The following SBF2 variants were observed in gnomAD, a reference collection of about 807,000 sequenced individuals.
The protein encoded by SBF2 is myotubularin-related protein 13.
In SBF2, 112 loss-of-function variants were observed where a neutral mutation model predicts 225.2. The observed-to-expected ratio is 0.50, with a 90% CI of 0.43 to 0.58. SBF2 has a LOEUF of 0.58. Ranked by LOEUF, SBF2 falls within the 20% of genes least tolerant of loss-of-function variation. The pLI is 0.00. For synonymous variants in SBF2, 763 were observed against 773.3 expected (o/e 0.99, Z 0.22); for missense variants, 1,996 against 2,206.2 (o/e 0.90, Z 1.91).
chr11:9,961,837 C>T (rs185439177), intron 16 of SBF2, 120 bp downstream of exon 16: 35 of 790,036 alleles, frequency 4.4e-5, no homozygotes, highest in Non-Finnish European at 6.3e-5. Flanking sequence ...GAGATACTGA[C>T]GCTTCATCCT....
chr11:9,981,253 A>T (rs1342303925), intron 13 of SBF2, among the ~76,000 whole-genome samples: 1 of 152,180 alleles, frequency 6.6e-6, no homozygotes, highest in Non-Finnish European at 1.5e-5. Flanking sequence ...GAAGCTAAAT[A>T]AGTGGTACTC....
chr11:10,218,325 C>A (rs888311591), intron 1 of SBF2, among the ~76,000 whole-genome samples: 2 of 110,508 alleles, frequency 1.8e-5, no homozygotes, highest in Non-Finnish European at 3.8e-5. Flanking sequence ...GACCCACCCC[C>A]CCCCCCACCC....
At chr11:10,007,683 A>G (rs1948256064) in intron 6 of SBF2, among the ~76,000 whole-genome samples, 1 of 152,072 alleles carries the variant, frequency 6.6e-6, no homozygotes, top group South Asian at 2.1e-4. Context: ...GCCCCAGAGG[A>G]GCAAAAGATG....
At chr11:10,054,141 A>G (rs1950165382) in intron 2 of SBF2, among the ~76,000 whole-genome samples, 2 of 152,176 alleles carry the variant, frequency 1.3e-5, no homozygotes, top group Admixed American at 1.3e-4. Flanking sequence ...GAAATGGGTC[A>G]CCTATATTGC....
intron 2 of SBF2, among the ~76,000 whole-genome samples, chr11:10,145,599 C>T (rs951550467): frequency 6.6e-5 from 10 of 152,112 alleles, no homozygotes; most frequent in African/African-American, 2.4e-4. Flanking sequence ...AACTTAAATT[C>T]TCCCAAAATA....
At chr11:10,276,296 G>T (rs1446614410) in intron 1 of SBF2, among the ~76,000 whole-genome samples, 1 of 152,080 alleles carries the variant, frequency 6.6e-6, no homozygotes, top group Non-Finnish European at 1.5e-5. Context: ...TTATTTATTT[G>T]TATCAATTTT....
chr11:9,830,491 G>A (rs1855321976), intron 27 of SBF2, among the ~76,000 whole-genome samples: 1 of 152,146 alleles, frequency 6.6e-6, no homozygotes, highest in South Asian at 2.1e-4. Context: ...TGTAATCCCA[G>A]CACTTAGGAA....
Position 10,294,114 on chromosome 11 carries a change from TCGC to T in SBF2, c.-48_-46del, listed in dbSNP as rs1565446062. ...GGGAAGCGGGTCCCCGTCGCCGCCC[TCGC>T]CGCCGCCGCCCACCCGGCCCGGGAG... On this transcript the variant is annotated 5_prime_UTR_variant, in exon 1 of 40. Transcript: ENST00000256190. 4.6e-5 allele frequency: 60 copies of T among 1,300,102 alleles called. No individual in the cohort carries two copies. Among genetic ancestry groups the T allele is most frequent in the Middle Eastern group, 5.8e-4 (2 of 3,450 alleles). The allele number at this position is 1,300,102 out of a possible 1,614,324, so 80.5% of individuals were successfully genotyped here.
chr11:10,290,946 G>T (rs1964122190), intron 1 of SBF2, among the ~76,000 whole-genome samples: 1 of 152,062 alleles, frequency 6.6e-6, no homozygotes, highest in South Asian at 2.1e-4. Flanking sequence ...AGGAACCAGG[G>T]ATCCCTAAAT....
intron 2 of SBF2, among the ~76,000 whole-genome samples, chr11:10,157,448 T>G (rs959594049): frequency 6.6e-6 from 1 of 152,292 alleles, no homozygotes; most frequent in Non-Finnish European, 1.5e-5. Context: ...AGCTTCTGCA[T>G]AGCAAAGGTA....
At chr11:10,122,067 T>A (rs1347748811) in intron 2 of SBF2, among the ~76,000 whole-genome samples, 4 of 152,172 alleles carry the variant, frequency 2.6e-5, no homozygotes. Context: ...AGCCATAAAG[T>A]GCTTCCTTTA....
chr11:9,879,035 A>C (rs1859523102), intron 17 of SBF2, among the ~76,000 whole-genome samples: 1 of 152,244 alleles, frequency 6.6e-6, no homozygotes. Flanking sequence ...TAGGTACAAA[A>C]TGTTTGCACT....
At chr11:10,008,334 T>C (rs1948291133) in intron 6 of SBF2, among the ~76,000 whole-genome samples, 1 of 152,190 alleles carries the variant, frequency 6.6e-6, no homozygotes, top group Non-Finnish European at 1.5e-5. Context: ...GAAGGGCAAC[T>C]GGTCCTACAG....
chr11:10,238,341 T>A (rs1330173144), intron 1 of SBF2, among the ~76,000 whole-genome samples: 1 of 152,016 alleles, frequency 6.6e-6, no homozygotes. Context: ...CCTGGGGTGG[T>A]TGAGGCTGTG....
At chr11:10,279,344 C>T (rs1436432967) in intron 1 of SBF2, among the ~76,000 whole-genome samples, 2 of 145,486 alleles carry the variant, frequency 1.4e-5, no homozygotes, top group Non-Finnish European at 3.0e-5. Flanking sequence ...ACCCGGGAGA[C>T]GGAGGTTGTA....
At chr11:10,090,612 A>C (rs1408752227) in intron 2 of SBF2, among the ~76,000 whole-genome samples, 1 of 152,014 alleles carries the variant, frequency 6.6e-6, no homozygotes, top group Non-Finnish European at 1.5e-5. Flanking sequence ...CAAAAATACA[A>C]AAATTAGCCG....
At chr11:10,071,263 CTCTT>C (rs1259615887) in intron 2 of SBF2, among the ~76,000 whole-genome samples, 5 of 124,960 alleles carry the variant, frequency 4.0e-5, no homozygotes, top group South Asian at 2.6e-4. Context: ...TTCTCTCTCT[CTCTT>C]TTTTTTTTTT....
chr11:10,112,401 C>G (rs1952918738), intron 2 of SBF2, among the ~76,000 whole-genome samples: 1 of 152,142 alleles, frequency 6.6e-6, no homozygotes, highest in Non-Finnish European at 1.5e-5. Flanking sequence ...ATGGGAGTTT[C>G]CTTGCACAAG....
intron 1 of SBF2, among the ~76,000 whole-genome samples, chr11:10,268,797 G>T (rs11042710): frequency 1.8e-4 from 28 of 152,296 alleles, no homozygotes; most frequent in African/African-American, 6.0e-4. Flanking sequence ...TTAGACAAAT[G>T]TAAACGGAAA....
Sources: allele counts gnomAD v4.1 joint callset (sites outside exome capture counted in the v4.1 genomes callset), GRCh38; gene constraint gnomAD v4.1.1; transcripts MANE v1.5; gene names NCBI Gene and HGNC (gene_info 2026-07-23, HGNC 2026-07-21).